PAPPA2: variants seen among roughly 807,000 people sequenced by gnomAD.
The protein encoded by PAPPA2 is pappalysin-2.
PAPPA2 carries 86 observed loss-of-function variants against 176.4 expected under a neutral mutation model. That is an observed-to-expected ratio of 0.49 (90% confidence interval 0.41 to 0.58). PAPPA2 has a LOEUF of 0.58. PAPPA2 is among the 20% of genes least tolerant of loss of function. The probability of loss-of-function intolerance (pLI) is 0.00; values close to 1 mark genes in which losing one functional copy is unlikely to be tolerated. For missense variants in PAPPA2, 2,073 were observed against 2,256.9 expected (o/e 0.92, Z 1.65); for synonymous variants, 809 against 852.2 (o/e 0.95, Z 0.88).
At chr1:176,586,821 C>G (rs1325334432) in intron 2 of PAPPA2, among the ~76,000 whole-genome samples, 1 of 152,130 alleles carries the variant, frequency 6.6e-6, no homozygotes, top group Non-Finnish European at 1.5e-5. Flanking sequence ...AATGTGATTG[C>G]TGGGTCAAAT....
chr1:176,667,173 G>T (rs981402932), intron 3 of PAPPA2, among the ~76,000 whole-genome samples: 1 of 151,984 alleles, frequency 6.6e-6, no homozygotes, highest in Non-Finnish European at 1.5e-5. Context: ...TTGAACCAGG[G>T]AGGTGGAGGT....
chr1:176,599,068 A>G (rs1325143020), intron 3 of PAPPA2, among the ~76,000 whole-genome samples: 2 of 152,052 alleles, frequency 1.3e-5, no homozygotes, highest in East Asian at 3.8e-4. Flanking sequence ...AAAACAGTTT[A>G]TCTCAAACTT....
intron 4 of PAPPA2, among the ~76,000 whole-genome samples, chr1:176,684,386 G>A (rs1040078286): frequency 6.6e-6 from 1 of 152,128 alleles, no homozygotes; most frequent in Non-Finnish European, 1.5e-5. Context: ...GTGAGAGAAG[G>A]TGGGGGAGCC....
At chr1:176,765,540 A>C in intron 14 of PAPPA2, 126 bp from the exon 15 acceptor site, 1 of 864,464 alleles carries the variant, frequency 1.2e-6, no homozygotes, top group Non-Finnish European at 1.8e-6. Flanking sequence ...TGATGAGTTA[A>C]ATATCAGTTT....
chr1:176,542,373 A>C (rs772498553), intron 1 of PAPPA2, among the ~76,000 whole-genome samples: 1 of 152,210 alleles, frequency 6.6e-6, no homozygotes, highest in South Asian at 2.1e-4. Context: ...AATAAAAAAA[A>C]AATGTAGGAT....
At chr1:176,566,348 C>A (rs1016795210) in intron 2 of PAPPA2, among the ~76,000 whole-genome samples, 1 of 152,040 alleles carries the variant, frequency 6.6e-6, no homozygotes. Context: ...TTATCCTATT[C>A]ACCACACTCC....
At chr1:176,688,816 G>A (rs560193912) in intron 4 of PAPPA2, among the ~76,000 whole-genome samples, 6 of 152,278 alleles carry the variant, frequency 3.9e-5, no homozygotes, top group African/African-American at 1.2e-4. Flanking sequence ...TGGGTGTAGC[G>A]CCAGATACCC....
chr1:176,785,986 GC>G (rs1664918011), intron 17 of PAPPA2, among the ~76,000 whole-genome samples: 1 of 152,118 alleles, frequency 6.6e-6, no homozygotes. Context: ...TTACAGCCGT[GC>G]TTCTCCCCTG....
intron 3 of PAPPA2, among the ~76,000 whole-genome samples, chr1:176,604,802 TAA>T (rs948732224): frequency 2.0e-5 from 3 of 152,220 alleles, no homozygotes; most frequent in Non-Finnish European, 4.4e-5. Flanking sequence ...TGTATACATA[TAA>T]ATATATATCT....
chr1:176,602,897 T>A (rs1651337754), intron 3 of PAPPA2, among the ~76,000 whole-genome samples: 1 of 152,214 alleles, frequency 6.6e-6, no homozygotes, highest in South Asian at 2.1e-4. Flanking sequence ...TTTATTTTCC[T>A]ATAAGCCAGT....
chr1:176,800,751 A>G (rs1245145055), intron 21 of PAPPA2, among the ~76,000 whole-genome samples: 1 of 152,078 alleles, frequency 6.6e-6, no homozygotes, highest in African/African-American at 2.4e-5. Context: ...ACCTTTCCCT[A>G]TGGCTACTTA....
chr1:176,661,047 A>T (rs1658331400), intron 3 of PAPPA2, among the ~76,000 whole-genome samples: 1 of 152,080 alleles, frequency 6.6e-6, no homozygotes, highest in East Asian at 1.9e-4. Flanking sequence ...AATACCTCTT[A>T]TGATTCTGGA....
At position 176,692,225 on chromosome 1, in the gene PAPPA2, C is replaced by A; in HGVS notation, c.2531C>A (p.Thr844Asn). ...YQQWTESRKPTPIPIPPMVIG... is the reference protein window; with the variant it reads ...YQQWTESRKPNPIPIPPMVIG... The stretch of plus-strand genomic sequence containing the variant: ...CAGTGGACTGAAAGCAGAAAGCCCA[C>A]CCCCATCCCCATTCCACCTATGGTC... The change falls in exon 6 of 23, where the codon ACC (threonine) becomes AAC (asparagine). Residue 844 changes from threonine to asparagine, a missense_variant. This residue lies in a region of PAPPA2 where 1,196 missense variants were observed against 1,330.4 expected (regional missense o/e 0.90). Coordinates refer to ENST00000367662, the MANE Select transcript of PAPPA2 (RefSeq NM_020318.3). 2 of 1,613,982 alleles carry A rather than the reference C, an allele frequency of 1.2e-6. No individual in the cohort carries two copies. The highest frequency in any genetic ancestry group is 1.7e-6 in the Non-Finnish European group (2 of 1,179,864).
chr1:176,791,519 G>A (rs375501403), intron 19 of PAPPA2, 37 bp downstream of exon 19: 100 of 1,583,682 alleles, frequency 6.3e-5, no homozygotes, highest in Non-Finnish European at 8.2e-5. Flanking sequence ...CAATTTCTAT[G>A]TCATTCTTTT....
At chr1:176,544,508 G>A (rs1650521923) in intron 1 of PAPPA2, among the ~76,000 whole-genome samples, 1 of 152,152 alleles carries the variant, frequency 6.6e-6, no homozygotes, top group South Asian at 2.1e-4. Context: ...CTTTCGAGTA[G>A]GAAATCCCGA....
chr1:176,816,176 A>G (rs1557889227), intron 21 of PAPPA2, among the ~76,000 whole-genome samples: 3 of 124,298 alleles, frequency 2.4e-5, no homozygotes, highest in African/African-American at 9.3e-5. Flanking sequence ...ATATATATAT[A>G]TATATATATA....
intron 3 of PAPPA2, among the ~76,000 whole-genome samples, chr1:176,648,176 T>C (rs1236843057): frequency 6.6e-6 from 1 of 151,586 alleles, no homozygotes; most frequent in Non-Finnish European, 1.5e-5. Flanking sequence ...GATTCCTAGA[T>C]ATTTTATATT....
chr1:176,774,356 G>A (rs1664359161), intron 17 of PAPPA2, among the ~76,000 whole-genome samples: 1 of 152,136 alleles, frequency 6.6e-6, no homozygotes, highest in South Asian at 2.1e-4. Flanking sequence ...GGATATTGCT[G>A]CTTGGATATC....
chr1:176,507,800 G>A (rs1347207735), intron 1 of PAPPA2, among the ~76,000 whole-genome samples: 1 of 151,922 alleles, frequency 6.6e-6, no homozygotes, highest in African/African-American at 2.4e-5. Context: ...AGGGGAGGGA[G>A]GGAGGCATGG....
Sources: allele counts gnomAD v4.1 joint callset (sites outside exome capture counted in the v4.1 genomes callset), GRCh38; gene constraint gnomAD v4.1.1; regional missense constraint gnomAD v4.1.1; transcripts MANE v1.5; gene names NCBI Gene and HGNC (gene_info 2026-07-23, HGNC 2026-07-21).